The following AGBL1 variants were observed in gnomAD, a reference collection of about 807,000 sequenced individuals.
AGBL1 encodes the protein AGBL carboxypeptidase 1, also known as cytosolic carboxypeptidase 4.
In AGBL1, 130 loss-of-function variants were observed where a neutral mutation model predicts 118.9. The observed-to-expected ratio is 1.09, with a 90% CI of 0.95 to 1.26. The LOEUF (loss-of-function observed/expected upper bound fraction) is 1.26. Among genes scored for constraint, AGBL1 ranks in the 50% most tolerant of loss-of-function variants. The pLI is 0.00. For synonymous variants in AGBL1, 555 were observed against 478.9 expected, an observed-to-expected ratio of 1.16 and a Z score of -2.08; for missense variants, 1,584 against 1,298.1, an observed-to-expected ratio of 1.22 and a Z score of -3.38.
chr15:86,682,846 A>G (rs1421700838), intron 22 of AGBL1, among the ~76,000 whole-genome samples: 8 of 152,160 alleles, frequency 5.3e-5, no homozygotes, highest in Admixed American at 3.9e-4. Context: ...GCATTTTATA[A>G]ATATTATCTC....
intron 5 of AGBL1, among the ~76,000 whole-genome samples, chr15:86,183,574 TA>T (rs1177538068): frequency 6.6e-6 from 1 of 152,098 alleles, no homozygotes; most frequent in Non-Finnish European, 1.5e-5. Context: ...ATGACTAGAA[TA>T]AATAAATAAA....
chr15:86,267,594 G>C (rs2079094913), intron 13 of AGBL1, among the ~76,000 whole-genome samples: 1 of 152,140 alleles, frequency 6.6e-6, no homozygotes, highest in Non-Finnish European at 1.5e-5. Flanking sequence ...GCAGTACCAT[G>C]CCTCTCTAGC....
At chr15:86,336,761 C>T (rs781056448) in intron 17 of AGBL1, among the ~76,000 whole-genome samples, 8 of 152,214 alleles carry the variant, frequency 5.3e-5, no homozygotes, top group Non-Finnish European at 1.0e-4. Flanking sequence ...ACAGAGGAGA[C>T]TTAATGGGGG....
chr15:87,012,741 G>C (rs1042010345), intron 24 of AGBL1, among the ~76,000 whole-genome samples: 5 of 151,926 alleles, frequency 3.3e-5, no homozygotes, highest in African/African-American at 1.2e-4. Context: ...CAGTACAGCA[G>C]ACTAGATAGG....
At chr15:86,253,374 C>T (rs541487447) in intron 7 of AGBL1, among the ~76,000 whole-genome samples, 249 of 152,194 alleles carry the variant, frequency 1.6e-3, no homozygotes, top group South Asian at 5.2e-3. Context: ...CCTCAGCCTC[C>T]CGAGTAGCTG....
chr15:86,392,340 T>C (rs2081300433), intron 17 of AGBL1, among the ~76,000 whole-genome samples: 2 of 152,306 alleles, frequency 1.3e-5, no homozygotes, highest in South Asian at 4.1e-4. Context: ...GAATGTGTGT[T>C]TAAGTCATTT....
At chr15:86,891,120 C>A (rs974710725) in intron 22 of AGBL1, among the ~76,000 whole-genome samples, 7 of 151,950 alleles carry the variant, frequency 4.6e-5, no homozygotes, top group African/African-American at 1.7e-4. Flanking sequence ...AGCTGTATTC[C>A]TAGGTATTTT....
chr15:86,642,803 A>G (rs373586850), intron 21 of AGBL1, among the ~76,000 whole-genome samples: 8 of 152,112 alleles, frequency 5.3e-5, no homozygotes, highest in East Asian at 1.9e-4. Flanking sequence ...GTGTTGTGCT[A>G]CCTTTACCAA....
chr15:86,779,041 A>C (rs887107606), intron 22 of AGBL1, among the ~76,000 whole-genome samples: 1 of 152,202 alleles, frequency 6.6e-6, no homozygotes, highest in African/African-American at 2.4e-5. Context: ...GACTTCCCGC[A>C]ACAGCTAAAC....
At chr15:86,351,904 G>C (rs1000179899) in intron 17 of AGBL1, among the ~76,000 whole-genome samples, 3 of 151,910 alleles carry the variant, frequency 2.0e-5, no homozygotes, top group Non-Finnish European at 4.4e-5. Context: ...ATAGACCAAG[G>C]GTGTTCTTTG....
intron 18 of AGBL1, among the ~76,000 whole-genome samples, chr15:86,409,902 G>T: frequency 6.6e-6 from 1 of 152,084 alleles, no homozygotes; most frequent in East Asian, 1.9e-4. Flanking sequence ...GAAGAAATCC[G>T]TGCAGGGATG....
chr15:86,891,499 G>C (rs1324661474), intron 22 of AGBL1, among the ~76,000 whole-genome samples: 1 of 151,302 alleles, frequency 6.6e-6, no homozygotes, highest in Admixed American at 6.6e-5. Context: ...AGCCATACCT[G>C]ATTACACTGT....
At chr15:86,080,124 GC>G in intron 1 of AGBL1, 101 bp downstream of exon 1, 1 of 948,502 alleles carries the variant, frequency 1.1e-6, no homozygotes, top group Non-Finnish European at 1.4e-6. Context: ...GCAGTCACTG[GC>G]CCAGTTTGTT....
At position 86,990,879 on chromosome 15, in the gene AGBL1, G is replaced by A. The variant is rs113996534; in HGVS notation, c.3323+2791G>A. Among the ~76,000 whole-genome samples the A allele has an allele frequency of 6.0e-3, 915 of 152,234 alleles. 13 individuals carry two copies. The highest frequency in any genetic ancestry group is 0.02 in the African/African-American group (842 of 41,536). ...GGGGGAGGTTTATAGGCTGTCTGGG[G>A]CCTCACTTTAGAATGGCATGAATGC... On this transcript the variant is annotated intron_variant, in intron 24 of 24. Transcript: ENST00000441037.
chr15:86,667,873 G>C (rs1359579872), intron 21 of AGBL1, among the ~76,000 whole-genome samples: 1 of 152,190 alleles, frequency 6.6e-6, no homozygotes, highest in Non-Finnish European at 1.5e-5. Context: ...GAATACCTGA[G>C]AGTGAGTAAT....
At chr15:86,618,467 G>A (rs2084760474) in intron 21 of AGBL1, among the ~76,000 whole-genome samples, 2 of 152,134 alleles carry the variant, frequency 1.3e-5, no homozygotes, top group Admixed American at 1.3e-4. Flanking sequence ...CTCATTTGGG[G>A]CTTTTATTAA....
chr15:86,196,691 T>C (rs2077808062), intron 5 of AGBL1, among the ~76,000 whole-genome samples: 1 of 152,068 alleles, frequency 6.6e-6, no homozygotes, highest in Non-Finnish European at 1.5e-5. Flanking sequence ...CAAGTACATA[T>C]GTTGAAGCCC....
chr15:86,139,107 A>G (rs1017359305), intron 1 of AGBL1, among the ~76,000 whole-genome samples: 1 of 152,172 alleles, frequency 6.6e-6, no homozygotes, highest in Admixed American at 6.5e-5. Flanking sequence ...AGAGAATGAT[A>G]TCATCTATTA....
chr15:86,372,029 C>T (rs960104202), intron 17 of AGBL1, among the ~76,000 whole-genome samples: 6 of 152,160 alleles, frequency 3.9e-5, no homozygotes, highest in Admixed American at 6.5e-5. Context: ...AGCATTTCCC[C>T]GAAAGTGCAG....
Sources: allele counts gnomAD v4.1 joint callset (sites outside exome capture counted in the v4.1 genomes callset), GRCh38; gene constraint gnomAD v4.1.1; transcripts MANE v1.5; gene names NCBI Gene and HGNC (gene_info 2026-07-23, HGNC 2026-07-21).